BTLA: variants seen among roughly 807,000 people sequenced by gnomAD.
BTLA encodes B- and T-lymphocyte attenuator.
Under a neutral mutation model 25.0 loss-of-function variants are expected in BTLA, and 11 were observed. The observed-to-expected ratio is 0.44, with a 90% CI of 0.28 to 0.73. The LOEUF is 0.73. Ranked by LOEUF, BTLA falls within the 30% of genes least tolerant of loss-of-function variation. The pLI is 0.15. For synonymous variants in BTLA, 104 were observed against 119.8 expected, an observed-to-expected ratio of 0.87 and a Z score of 0.86; for missense variants, 282 against 332.8, an observed-to-expected ratio of 0.85 and a Z score of 1.19.
rs777897332 is a variant in BTLA, at chr3:112,473,611, C to CTT, written c.404-2258_404-2257dup. Among the ~76,000 whole-genome samples, 505 of 115,108 alleles carry CTT rather than the reference C, an allele frequency of 4.4e-3. 18 individuals are homozygous for CTT. Among genetic ancestry groups the CTT allele is most frequent in the African/African-American group, 0.013 (359 of 27,026 alleles). The allele number at this position is 115,108 out of a possible 152,430, so 75.5% of individuals were successfully genotyped here. ...TTGGGGAAGTTCTTTTTTTCTTCTT[C>CTT]TTTTTTTTTTTTTTTTTTTTTGAGA... On this transcript the variant is annotated intron_variant, in intron 2 of 4. Transcript: ENST00000334529.
chr3:112,498,568 CT>C lies in BTLA; in HGVS notation c.88+702del, dbSNP rs34606026. 5.9e-3 allele frequency among the ~76,000 whole-genome samples: 496 copies of C among 83,870 alleles called. 1 individual carries two copies. The highest frequency in any genetic ancestry group is 0.021 in the Middle Eastern group (2 of 94). 55.0% of individuals were successfully genotyped at this position (83,870 alleles called of 152,430 possible). The stretch of plus-strand genomic sequence containing the variant: ...GACTTTACAATAAAAAAGAAATTGC[CT>C]TTTTTTTTTTTTTTTTTTTTTTGCC... On this transcript the variant is annotated intron_variant, in intron 1 of 4. Coordinates refer to ENST00000334529, the MANE Select transcript of BTLA (RefSeq NM_181780.4).
chr3:112,472,059 A>G (rs2082265532), intron 2 of BTLA, among the ~76,000 whole-genome samples: 1 of 152,128 alleles, frequency 6.6e-6, no homozygotes, highest in African/African-American at 2.4e-5. Context: ...CATCACACAC[A>G]CTAGAGCAGT....
intron 2 of BTLA, among the ~76,000 whole-genome samples, chr3:112,477,481 A>C (rs892854226): frequency 6.6e-6 from 1 of 151,718 alleles, no homozygotes; most frequent in South Asian, 2.1e-4. Flanking sequence ...GGCCATTTGT[A>C]TATTTTCTTT....
intron 2 of BTLA, among the ~76,000 whole-genome samples, 176 bp downstream of exon 2, chr3:112,479,279 C>T (rs374679717): frequency 6.6e-5 from 10 of 152,260 alleles, no homozygotes; most frequent in African/African-American, 1.7e-4. Context: ...TCACCTCAAA[C>T]GCACACATAC....
At chr3:112,475,574 A>G (rs189998317) in intron 2 of BTLA, among the ~76,000 whole-genome samples, 87 of 152,328 alleles carry the variant, frequency 5.7e-4, no homozygotes, top group African/African-American at 2.0e-3. Context: ...TGACCCAAAT[A>G]TGGGATAGAG....
In BTLA at chr3:112,471,234, G is replaced by T. The variant is rs369739597; in HGVS notation, c.525C>A (p.Phe175Leu). The change falls in exon 3 of 5, where the codon TTC becomes TTA. Residue 175 changes from phenylalanine (F) to leucine (L), a missense_variant. Phe to Leu is a conservative substitution (Grantham distance 22, BLOSUM62 0). Coordinates refer to ENST00000334529, the MANE Select transcript of BTLA (RefSeq NM_181780.4). ...PLLITTCFCL[F>L]CCLRRHQGKQ... The stretch of plus-strand genomic sequence containing the variant: ...CACCTTGGTGCCTTCTCAGGCAGCA[G>T]AACAGGCAGAAACAGGTAGTGATGA... The T allele has an allele frequency of 5.0e-6, 8 of 1,614,046 alleles. No homozygotes were observed. The African/African-American group carries it at 1.1e-4, about 22-fold the overall frequency.
chr3:112,470,655 T>C (rs2082257054), intron 3 of BTLA, among the ~76,000 whole-genome samples: 1 of 152,236 alleles, frequency 6.6e-6, no homozygotes, highest in Admixed American at 6.5e-5. Flanking sequence ...ATTCCCATCA[T>C]AGCCAAACCC....
At chr3:112,483,706 G>C (rs997127640) in intron 1 of BTLA, among the ~76,000 whole-genome samples, 3 of 151,662 alleles carry the variant, frequency 2.0e-5, no homozygotes, top group African/African-American at 7.3e-5. Context: ...GGTGGCTCAC[G>C]CCTGTAATCC....
chr3:112,488,754 C>T (rs940770319), intron 1 of BTLA, among the ~76,000 whole-genome samples: 2 of 152,144 alleles, frequency 1.3e-5, no homozygotes, highest in African/African-American at 4.8e-5. Flanking sequence ...GCTGGGAATA[C>T]AGGCACCTGC....
At chr3:112,493,502 A>G (rs1348867737) in intron 1 of BTLA, among the ~76,000 whole-genome samples, 2 of 152,170 alleles carry the variant, frequency 1.3e-5, no homozygotes, top group Non-Finnish European at 2.9e-5. Context: ...ATATGAACAC[A>G]CAGTTCTCTC....
At chr3:112,476,269 C>G (rs1448925239) in intron 2 of BTLA, among the ~76,000 whole-genome samples, 2 of 152,152 alleles carry the variant, frequency 1.3e-5, no homozygotes, top group Non-Finnish European at 1.5e-5. Flanking sequence ...TTCTATATTT[C>G]ATAATTGAGG....
At chr3:112,470,490 G>A (rs952953911) in intron 3 of BTLA, 1 of 152,224 alleles carries the variant, frequency 6.6e-6, no homozygotes, top group Non-Finnish European at 1.5e-5. Flanking sequence ...GTGAGAGGAT[G>A]GAGGAGAAGA....
rs1264613572 is a variant in BTLA at position 112,466,221 on chromosome 3, G to T, written c.757C>A (p.Pro253Thr). Residue 253 changes from proline to threonine, a missense_variant, in exon 5 of 5, where the codon CCA (proline) becomes ACA (threonine). Physicochemically the swap from Pro to Thr is conservative, Grantham distance 38. This residue lies in a region of BTLA where 119 missense variants were observed against 102.3 expected (regional missense o/e 1.16). Coordinates refer to ENST00000334529, the MANE Select transcript of BTLA (RefSeq NM_181780.4). Reference sequence around the variant, plus strand: ...TTCAGGGAAGCATAAACAATGCCTGGTTTGTTTTCTTCCAGGCATGGATTA... The same window carrying T: ...TTCAGGGAAGCATAAACAATGCCTGTTTTGTTTTCTTCCAGGCATGGATTA... Reference protein sequence around the residue: ...YSNPCLEENKPGIVYASLNHS... With the variant: ...YSNPCLEENKTGIVYASLNHS... 4.3e-6 allele frequency: 7 copies of T among 1,613,934 alleles called. No individual in the cohort carries two copies. The highest frequency in any genetic ancestry group is 5.9e-6 in the Non-Finnish European group (7 of 1,179,906).
chr3:112,484,995 T>C (rs1308372374), intron 1 of BTLA, among the ~76,000 whole-genome samples: 2 of 152,244 alleles, frequency 1.3e-5, no homozygotes, highest in African/African-American at 4.8e-5. Flanking sequence ...CTGATGTTTG[T>C]AGTGTAAAAA....
At position 112,477,729 on chromosome 3, in the gene BTLA, G is replaced by A. The variant is rs2082296386; in HGVS notation, c.403+1726C>T. 2.0e-5 allele frequency among the ~76,000 whole-genome samples: 3 copies of A among 151,954 alleles called. No individual in the cohort carries two copies. In the South Asian group the frequency reaches 6.2e-4, roughly 31 times the overall value. On this transcript the variant is annotated intron_variant, in intron 2 of 4. Transcript: ENST00000334529. ...TCTCCTAAGAAATCAGAGTTTTATT[G>A]TTTTATATAATGCAGTTTTTATAGT...
At chr3:112,494,300 C>T (rs561629171) in intron 1 of BTLA, among the ~76,000 whole-genome samples, 11 of 152,216 alleles carry the variant, frequency 7.2e-5, no homozygotes, top group Middle Eastern at 3.4e-3. Flanking sequence ...TGCTTTTACA[C>T]GGTTGGTGGG....
Position 112,493,954 on chromosome 3 carries a change from C to T in BTLA, c.88+5317G>A, listed in dbSNP as rs2082394318. ...GGTGAAACCTTCTGTACTAAAAATA[C>T]AAAAAATTAGCCAGGCGTGGTGGCA... On this transcript the variant is annotated intron_variant, in intron 1 of 4. Coordinates refer to ENST00000334529, the MANE Select transcript of BTLA (RefSeq NM_181780.4). Among the ~76,000 whole-genome samples the T allele has an allele frequency of 2.0e-5, 3 of 152,006 alleles. No homozygotes were observed. The South Asian group carries it at 6.2e-4, about 32-fold the overall frequency.
chr3:112,470,896 T>A (rs969061290), intron 3 of BTLA, among the ~76,000 whole-genome samples: 3 of 152,136 alleles, frequency 2.0e-5, no homozygotes, highest in African/African-American at 7.2e-5. Flanking sequence ...CTGTTAAGGT[T>A]TAGAAGAGCT....
chr3:112,479,397 C>T lies in BTLA; in HGVS notation c.403+58G>A, dbSNP rs111909904. On this transcript the variant is annotated intron_variant, in intron 2 of 4. Coordinates refer to ENST00000334529, the MANE Select transcript of BTLA (RefSeq NM_181780.4). ...ATAATCACTTGAGAAACTGAACCCC[C>T]CTCTTCCTGGAAACATTATAAGAAA... is the stretch of plus-strand genomic sequence containing the variant. The T allele has an allele frequency of 1.6e-5, 24 of 1,488,726 alleles. 1 individual carries two copies. The highest frequency in any genetic ancestry group is 1.4e-4 in the African/African-American group (10 of 71,522). 92.2% of individuals were successfully genotyped at this position (1,488,726 alleles called of 1,614,324 possible).
Sources: gnomAD v4.1 joint callset for allele counts (sites outside exome capture counted in the v4.1 genomes callset) on GRCh38, gnomAD v4.1.1 for gene constraint, gnomAD v4.1.1 regional missense constraint, MANE v1.5 for transcripts, NCBI Gene and HGNC (gene_info 2026-07-23, HGNC 2026-07-21) for gene names.